The following ATRNL1 variants were observed in gnomAD, a reference collection of about 807,000 sequenced individuals.
ATRNL1 encodes the protein attractin-like protein 1.
Under a neutral mutation model 182.7 loss-of-function variants are expected in ATRNL1, and 95 were observed. The observed-to-expected ratio is 0.52, with a 90% CI of 0.44 to 0.62. ATRNL1 has a LOEUF of 0.62. ATRNL1 is among the 20% of genes least tolerant of loss of function. The pLI is 0.00. For synonymous variants in ATRNL1, 576 were observed against 568.3 expected, an observed-to-expected ratio of 1.01 and a Z score of -0.19; for missense variants, 1,471 against 1,679.5, an observed-to-expected ratio of 0.88 and a Z score of 2.17.
At chr10:115,795,620 C>T (rs1949635256) in intron 27 of ATRNL1, among the ~76,000 whole-genome samples, 1 of 152,102 alleles carries the variant, frequency 6.6e-6, no homozygotes. Flanking sequence ...AGGAAACTTA[C>T]AATCATGGTG....
At chr10:115,297,504 G>A (rs1437617817) in intron 15 of ATRNL1, among the ~76,000 whole-genome samples, 1 of 152,006 alleles carries the variant, frequency 6.6e-6, no homozygotes, top group African/African-American at 2.4e-5. Context: ...AATTAGCTGG[G>A]CGTGGTGGTG....
chr10:115,212,863 G>C (rs1373955682), intron 8 of ATRNL1, among the ~76,000 whole-genome samples: 1 of 152,018 alleles, frequency 6.6e-6, no homozygotes, highest in Non-Finnish European at 1.5e-5. Context: ...AATTGTGGAA[G>C]GAGGGAGAGG....
At chr10:115,731,580 A>G (rs1947798573) in intron 27 of ATRNL1, among the ~76,000 whole-genome samples, 1 of 151,170 alleles carries the variant, frequency 6.6e-6, no homozygotes, top group African/African-American at 2.4e-5. Flanking sequence ...TTATTAATGT[A>G]TGGTATTTTT....
At chr10:115,297,204 A>G (rs543160551) in intron 15 of ATRNL1, among the ~76,000 whole-genome samples, 1 of 152,306 alleles carries the variant, frequency 6.6e-6, no homozygotes, top group East Asian at 1.9e-4. Context: ...GGAGAGACCT[A>G]TCAGTTTTAT....
intron 25 of ATRNL1, among the ~76,000 whole-genome samples, chr10:115,533,499 C>A (rs1467610031): frequency 1.3e-5 from 2 of 151,668 alleles, no homozygotes; most frequent in Non-Finnish European, 2.9e-5. Flanking sequence ...CTCTTTTTTT[C>A]TTTATTAGTC....
At chr10:115,922,817 G>A (rs542231388) in intron 28 of ATRNL1, among the ~76,000 whole-genome samples, 1 of 152,256 alleles carries the variant, frequency 6.6e-6, no homozygotes, top group South Asian at 2.1e-4. Context: ...ATAGAGGAAA[G>A]AGCAATATGT....
chr10:115,188,275 A>G (rs1012498613), intron 8 of ATRNL1, among the ~76,000 whole-genome samples: 5 of 152,154 alleles, frequency 3.3e-5, no homozygotes, highest in African/African-American at 1.2e-4. Flanking sequence ...ATATTTGGTT[A>G]TGTGGAATAT....
chr10:115,834,113 G>A (rs1950616978), intron 27 of ATRNL1, among the ~76,000 whole-genome samples: 5 of 152,078 alleles, frequency 3.3e-5, no homozygotes, highest in Non-Finnish European at 7.4e-5. Context: ...ATGCTCTCAG[G>A]AGCCAGTTGT....
chr10:115,221,617 A>G (rs1849470028), intron 9 of ATRNL1, among the ~76,000 whole-genome samples: 1 of 152,108 alleles, frequency 6.6e-6, no homozygotes, highest in Non-Finnish European at 1.5e-5. Context: ...GTGTAATTTT[A>G]ACCTTGAGAC....
At chr10:115,266,162 A>T (rs1851599075) in intron 11 of ATRNL1, among the ~76,000 whole-genome samples, 1 of 151,820 alleles carries the variant, frequency 6.6e-6, no homozygotes, top group African/African-American at 2.4e-5. Context: ...AATATTTTTG[A>T]CATGAAAAAT....
At chr10:115,426,167 A>G (rs1381481996) in intron 20 of ATRNL1, 83 bp from the exon 21 acceptor site, 3 of 1,060,462 alleles carry the variant, frequency 2.8e-6, no homozygotes, top group Non-Finnish European at 4.3e-6. Flanking sequence ...GATGTAGAAT[A>G]TAAATACTTT....
chr10:115,112,364 C>G (rs946974716), intron 1 of ATRNL1, among the ~76,000 whole-genome samples: 2 of 152,188 alleles, frequency 1.3e-5, no homozygotes, highest in South Asian at 2.1e-4. Flanking sequence ...AGGCATTACA[C>G]TAGCTGACTG....
intron 19 of ATRNL1, among the ~76,000 whole-genome samples, chr10:115,369,360 G>A (rs567931328): frequency 6.6e-6 from 1 of 152,018 alleles, no homozygotes; most frequent in East Asian, 1.9e-4. Flanking sequence ...ATAGGATTCT[G>A]TGAAGGCGAT....
chr10:115,615,438 A>G (rs1317755486), intron 26 of ATRNL1, among the ~76,000 whole-genome samples: 2 of 152,020 alleles, frequency 1.3e-5, no homozygotes, highest in African/African-American at 2.4e-5. Flanking sequence ...TGAATATAAT[A>G]TATAATATCA....
At chr10:115,906,796 C>T (rs1248820707) in intron 28 of ATRNL1, among the ~76,000 whole-genome samples, 2 of 152,050 alleles carry the variant, frequency 1.3e-5, no homozygotes, top group African/African-American at 4.8e-5. Flanking sequence ...TATAATTGAA[C>T]TTCGTAAATT....
rs1554862232 is a variant in ATRNL1 at position 115,093,712 on chromosome 10, C to T, written c.-39C>T. ...CCTTCAACAGCATCCCTGTCGGCGC[C>T]CGCGAGCGCAGTCTCGCCGGGCAGG... On this transcript the variant is annotated 5_prime_UTR_variant, in exon 1 of 29. Transcript: ENST00000355044. The surrounding 1 kb of genome is among the most constrained non-coding windows in gnomAD (Gnocchi z 6.1). The T allele has an allele frequency of 4.9e-6, 7 of 1,418,300 alleles. No individual in the cohort carries two copies. Among genetic ancestry groups the T allele is most frequent in the Non-Finnish European group, 4.6e-6 (5 of 1,091,588 alleles). The allele number at this position is 1,418,300 out of a possible 1,614,324, so 87.9% of individuals were successfully genotyped here. A position where few individuals can be genotyped will look rare whatever the true frequency, so the allele number is the denominator to read the frequency against.
rs150658119 is a variant in ATRNL1, at chr10:115,475,773, G to A, written c.3654+6444G>A. Among the ~76,000 whole-genome samples the A allele has an allele frequency of 7.7e-3, 1,172 of 151,288 alleles. 6 individuals are homozygous for A. Among genetic ancestry groups the A allele is most frequent in the Middle Eastern group, 0.017 (5 of 290 alleles). ...CTTTTTCTTCATCATCACCGTCAAC[G>A]TCATTGGTATTTAAGAGAGCTTTTT... On this transcript the variant is annotated intron_variant, in intron 24 of 28. Transcript: ENST00000355044.
rs569309571 is a variant in ATRNL1 at position 115,398,850 on chromosome 10, A to G, written c.3269+4098A>G. On this transcript the variant is annotated intron_variant, in intron 20 of 28. Transcript: ENST00000355044. ...GATGTTGGCTGTGGGTTTGTTATAG[A>G]TGGCTCTTAATATTTTGAAGTATGT... Among the ~76,000 whole-genome samples, 20 of 152,088 alleles carry G rather than the reference A, an allele frequency of 1.3e-4. No homozygotes were observed. In the East Asian group the frequency reaches 3.7e-3, roughly 28 times the overall value.
rs1554883451 is a variant in ATRNL1 at position 115,162,158 on chromosome 10, A to AC, written c.1004+1945dup. ...AAAGGCTGGCAATGACAAAAAAAAA[A>AC]CACTATTACCAAAGTAAATTATAGA... On this transcript the variant is annotated intron_variant, in intron 6 of 28. Coordinates refer to ENST00000355044, the MANE Select transcript of ATRNL1 (RefSeq NM_207303.4). Among the ~76,000 whole-genome samples, 5 of 152,114 alleles carry AC rather than the reference A, an allele frequency of 3.3e-5. 1 individual carries two copies. The highest frequency in any genetic ancestry group is 1.2e-4 in the African/African-American group (5 of 41,480).
Sources: allele counts gnomAD v4.1 joint callset (sites outside exome capture counted in the v4.1 genomes callset), GRCh38; gene constraint gnomAD v4.1.1; non-coding constraint Gnocchi (gnomAD v3.1); transcripts MANE v1.5; gene names NCBI Gene and HGNC (gene_info 2026-07-23, HGNC 2026-07-21).